Variants in EFCAB5 observed in about 807,000 individuals in gnomAD.
EFCAB5 encodes the protein EF-hand calcium binding domain 5.
A neutral mutation model predicts 167.9 loss-of-function variants in EFCAB5; 131 were observed. The observed-to-expected ratio is 0.78, with a 90% CI of 0.68 to 0.90. The LOEUF is 0.90. Among genes scored for constraint, EFCAB5 ranks in the 40% least tolerant of loss-of-function variants. The pLI, the probability that EFCAB5 is intolerant of heterozygous loss-of-function variation, is 0.00. For missense variants in EFCAB5, 1,663 were observed against 1,745.2 expected (o/e 0.95, Z 0.84); for synonymous variants, 574 against 602.8 (o/e 0.95, Z 0.70).
chr17:29,953,581 A>C (rs2067555007), intron 3 of EFCAB5, among the ~76,000 whole-genome samples: 1 of 152,186 alleles, frequency 6.6e-6, no homozygotes, highest in Admixed American at 6.5e-5. Context: ...CGTCATTGTG[A>C]GGCCTCCCCA....
At chr17:30,054,545 A>G (rs915623403) in intron 10 of EFCAB5, among the ~76,000 whole-genome samples, 4 of 152,222 alleles carry the variant, frequency 2.6e-5, no homozygotes, top group African/African-American at 9.6e-5. Context: ...TATAAAATAT[A>G]TGTTCTAGAA....
Position 29,957,660 on chromosome 17 carries a change from C to T in EFCAB5, c.191-11131C>T, listed in dbSNP as rs1479540581. ...CATGTCCCTGCAAAGGACATGATCT[C>T]ATTCCTTTTTATGGCTGCATAGTAT... is the stretch of plus-strand genomic sequence containing the variant. On this transcript the variant is annotated intron_variant, in intron 3 of 22. Coordinates refer to ENST00000394835, the MANE Select transcript of EFCAB5 (RefSeq NM_198529.4). Among the ~76,000 whole-genome samples the T allele has an allele frequency of 2.0e-5, 3 of 152,312 alleles. No individual in the cohort carries two copies. In the South Asian group the frequency reaches 6.2e-4, roughly 32 times the overall value.
intron 22 of EFCAB5, among the ~76,000 whole-genome samples, chr17:30,106,450 G>T (rs747933181): frequency 6.6e-6 from 1 of 151,902 alleles, no homozygotes. Context: ...AAGAAAGGGG[G>T]TAATTATTAT....
At chr17:29,931,402 G>C (rs1177990852) in intron 1 of EFCAB5, among the ~76,000 whole-genome samples, 1 of 152,156 alleles carries the variant, frequency 6.6e-6, no homozygotes, top group East Asian at 1.9e-4. Context: ...CTGAGCCTTT[G>C]TTCTCTCCCT....
At chr17:29,972,262 G>C (rs925147083) in intron 4 of EFCAB5, among the ~76,000 whole-genome samples, 2 of 149,964 alleles carry the variant, frequency 1.3e-5, no homozygotes, top group Non-Finnish European at 3.0e-5. Flanking sequence ...CCTTAGCCAG[G>C]GTGGTCTCGA....
chr17:29,987,886 G>A (rs2151623982), intron 4 of EFCAB5, among the ~76,000 whole-genome samples: 1 of 152,292 alleles, frequency 6.6e-6, no homozygotes, highest in South Asian at 2.1e-4. Context: ...CAGATGAAGT[G>A]AGAAAAGGTG....
At chr17:30,081,115 C>A (rs1192016991) in intron 17 of EFCAB5, 134 bp downstream of exon 17, 2 of 699,974 alleles carry the variant, frequency 2.9e-6, no homozygotes, top group Non-Finnish European at 4.7e-6. Flanking sequence ...CTCCTGTTCC[C>A]TGAATGTATG....
chr17:29,982,277 C>CA (rs1211127838), intron 4 of EFCAB5, among the ~76,000 whole-genome samples: 3 of 151,764 alleles, frequency 2.0e-5, no homozygotes, highest in African/African-American at 7.3e-5. Context: ...ACTAAAAATA[C>CA]AAAAAATTAG....
chr17:29,997,122 G>A lies in EFCAB5; in HGVS notation c.973+762G>A, dbSNP rs752670901. On this transcript the variant is annotated intron_variant, in intron 6 of 22. Coordinates refer to ENST00000394835, the MANE Select transcript of EFCAB5 (RefSeq NM_198529.4). ...TAGCCGGGCATGGTGGCGGGCGTCC[G>A]TAATCTCAGTTACTTGGGAGGCTGA... 7.9e-5 allele frequency among the ~76,000 whole-genome samples: 12 copies of A among 151,952 alleles called. 1 individual carries two copies. In the South Asian group the frequency reaches 8.3e-4, roughly 11 times the overall value.
chr17:29,938,486 C>G (rs1464019767), upstream of EFCAB5, among the ~76,000 whole-genome samples: 2 of 152,168 alleles, frequency 1.3e-5, no homozygotes, highest in Non-Finnish European at 2.9e-5. Flanking sequence ...TTGATTGACT[C>G]TTCCTGTCTT....
chr17:30,094,761 G>T (rs1567775795), intron 22 of EFCAB5, among the ~76,000 whole-genome samples: 1 of 152,264 alleles, frequency 6.6e-6, no homozygotes, highest in East Asian at 1.9e-4. Context: ...TTTAGATTGA[G>T]CCAGTCATCT....
At chr17:30,010,093 G>A (rs868782758) in intron 7 of EFCAB5, among the ~76,000 whole-genome samples, 1 of 152,130 alleles carries the variant, frequency 6.6e-6, no homozygotes, top group Non-Finnish European at 1.5e-5. Context: ...TGCTCAGAAT[G>A]ATGGTTTCCA....
At chr17:29,976,948 GT>G (rs752908799) in intron 4 of EFCAB5, among the ~76,000 whole-genome samples, 1 of 152,054 alleles carries the variant, frequency 6.6e-6, no homozygotes, top group Non-Finnish European at 1.5e-5. Flanking sequence ...CTGTTTGTAG[GT>G]TTTATATGTG....
At chr17:30,105,946 A>G (rs190579378) in intron 22 of EFCAB5, among the ~76,000 whole-genome samples, 5 of 152,286 alleles carry the variant, frequency 3.3e-5, no homozygotes, top group African/African-American at 1.2e-4. Context: ...CCCATATTAT[A>G]CCTTTTGTTG....
chr17:30,039,368 T>G (rs1055468350), intron 8 of EFCAB5, among the ~76,000 whole-genome samples: 2 of 152,192 alleles, frequency 1.3e-5, no homozygotes, highest in Non-Finnish European at 2.9e-5. Context: ...ATCTTTTCCT[T>G]TCCTTTCCTT....
At chr17:30,059,163 G>GTTTTGT (rs541364989) in intron 13 of EFCAB5, 2,564 of 152,926 alleles carry the variant, frequency 0.017, 33 homozygotes, top group Middle Eastern at 0.027. Flanking sequence ...TGTCTGTTTT[G>GTTTTGT]TTTTGTTTTT....
chr17:30,030,155 T>A (rs540296585), intron 7 of EFCAB5, among the ~76,000 whole-genome samples: 15 of 152,364 alleles, frequency 9.8e-5, no homozygotes, highest in African/African-American at 3.6e-4. Flanking sequence ...TGTAATTATC[T>A]GGAATTTGAT....
At chr17:29,992,342 G>A (rs2068439144) in intron 4 of EFCAB5, among the ~76,000 whole-genome samples, 1 of 151,998 alleles carries the variant, frequency 6.6e-6, no homozygotes, top group Admixed American at 6.6e-5. Flanking sequence ...GTATTCCATT[G>A]TATTTATTTA....
chr17:29,962,143 T>G (rs1047466052), intron 3 of EFCAB5, among the ~76,000 whole-genome samples: 12 of 152,184 alleles, frequency 7.9e-5, no homozygotes, highest in Admixed American at 1.3e-4. Flanking sequence ...TTCCTTTTGT[T>G]TTTTCAAGAT....
Sources: gnomAD v4.1 joint callset for allele counts (sites outside exome capture counted in the v4.1 genomes callset) on GRCh38, gnomAD v4.1.1 for gene constraint, MANE v1.5 for transcripts, NCBI Gene and HGNC (gene_info 2026-07-23, HGNC 2026-07-21) for gene names.